The following AGPAT4 variants were observed in gnomAD, a reference collection of about 807,000 sequenced individuals.
The protein encoded by AGPAT4 is 1-acylglycerol-3-phosphate O-acyltransferase 4, also known as 1-acyl-sn-glycerol-3-phosphate acyltransferase delta.
AGPAT4 carries 15 observed loss-of-function variants against 48.0 expected under a neutral mutation model. That is an observed-to-expected ratio of 0.31 (90% CI 0.21 to 0.48). The LOEUF (loss-of-function observed/expected upper bound fraction) is 0.48. Ranked by LOEUF, AGPAT4 falls within the 20% of genes least tolerant of loss-of-function variation. AGPAT4 has a pLI of 0.99. For missense variants in AGPAT4, 314 were observed against 482.5 expected, an observed-to-expected ratio of 0.65 and a Z score of 3.27; for synonymous variants, 178 against 198.7, an observed-to-expected ratio of 0.90 and a Z score of 0.88.
At chr6:161,193,441 G>A (rs1378244258) in intron 2 of AGPAT4, among the ~76,000 whole-genome samples, 2 of 152,228 alleles carry the variant, frequency 1.3e-5, no homozygotes, top group African/African-American at 4.8e-5. Flanking sequence ...CATGGTTGGA[G>A]ATTTCCAGAG....
In AGPAT4 at chr6:161,137,168, A is replaced by G. The variant is rs1583270685; in HGVS notation, c.1043-534T>C. Among the ~76,000 whole-genome samples the G allele has an allele frequency of 1.3e-5, 2 of 152,210 alleles. No homozygotes were observed. The highest frequency in any genetic ancestry group is 4.8e-5 in the African/African-American group (2 of 41,462). On this transcript the variant is annotated intron_variant, in intron 8 of 8. Transcript: ENST00000320285. The surrounding 1 kb of genome is among the most constrained non-coding windows in gnomAD (Gnocchi z 6.1). ...GATTTGCCTACACCAGAGAATGGGC[A>G]GGACCCTCGTGGGAGCCCAGTTTAA...
chr6:161,194,652 ATGTATG>A (rs376021915), intron 2 of AGPAT4, among the ~76,000 whole-genome samples: 16 of 149,884 alleles, frequency 1.1e-4, no homozygotes, highest in African/African-American at 4.0e-4. Flanking sequence ...ATGTGTATGT[ATGTATG>A]TGTATGTGTG....
intron 2 of AGPAT4, among the ~76,000 whole-genome samples, chr6:161,194,572 ATG>A (rs952591696): frequency 1.4e-5 from 2 of 146,282 alleles, no homozygotes; most frequent in African/African-American, 2.7e-5. Flanking sequence ...GTGTATGTGT[ATG>A]TGTGTATATA....
At position 161,221,655 on chromosome 6, in the gene AGPAT4, T is replaced by C. The variant is rs1015338889; in HGVS notation, c.178+10381A>G. Among the ~76,000 whole-genome samples, 1 of 152,110 alleles carries C rather than the reference T, an allele frequency of 6.6e-6. No homozygotes were observed. The highest frequency in any genetic ancestry group is 1.9e-4 in the East Asian group (1 of 5,180). ...GGGGAACTGAAGTAACAGAAATTGA[T>C]TGTCTGAGTTCTGGATTCCAGGAAC... On this transcript the variant is annotated intron_variant, in intron 2 of 8. Transcript: ENST00000320285. This position sits in a 1 kb window ranked among gnomAD's most constrained non-coding sequence, Gnocchi z 4.5.
rs550015918 is a variant in AGPAT4 at position 161,233,536 on chromosome 6, G to A, written c.-89-1234C>T. On this transcript the variant is annotated intron_variant, in intron 1 of 8. Coordinates refer to ENST00000320285, the MANE Select transcript of AGPAT4 (RefSeq NM_020133.3). This position sits in a 1 kb window ranked among gnomAD's most constrained non-coding sequence, Gnocchi z 5.4. ...TGAAAATTTCCAGCTTTACGATGGT[G>A]TAAAAGCAATATCCATTCAGAGAAA... Among the ~76,000 whole-genome samples, 4 of 152,188 alleles carry A rather than the reference G, an allele frequency of 2.6e-5. No individual in the cohort carries two copies. The highest frequency in any genetic ancestry group is 4.4e-5 in the Non-Finnish European group (3 of 68,050).
rs1389681434 is a variant in AGPAT4, at chr6:161,195,177, C to T, written c.179-28760G>A. On this transcript the variant is annotated intron_variant, in intron 2 of 8. Coordinates refer to ENST00000320285, the MANE Select transcript of AGPAT4 (RefSeq NM_020133.3). The surrounding 1 kb of genome is among the most constrained non-coding windows in gnomAD (Gnocchi z 5.0). The stretch of plus-strand genomic sequence containing the variant: ...AAAATACAACTTAATTTAACCACAC[C>T]AGAAACATAATTCAGAATTTGAAGC... Among the ~76,000 whole-genome samples the T allele has an allele frequency of 1.3e-5, 2 of 152,076 alleles. No homozygotes were observed. The highest frequency in any genetic ancestry group is 2.9e-5 in the Non-Finnish European group (2 of 68,006).
Position 161,143,073 on chromosome 6 carries a change from T to C in AGPAT4, c.843+3451A>G, listed in dbSNP as rs962830399. On this transcript the variant is annotated intron_variant, in intron 7 of 8. Transcript: ENST00000320285. The surrounding 1 kb of genome is among the most constrained non-coding windows in gnomAD (Gnocchi z 4.7). ...AGGACGGCTCTGAATGTAGCTGTCC[T>C]TCACTTATTTCTCTTTAGAGACAGG... is the stretch of plus-strand genomic sequence containing the variant. Among the ~76,000 whole-genome samples the C allele has an allele frequency of 2.0e-5, 3 of 152,140 alleles. No individual in the cohort carries two copies. Among genetic ancestry groups the C allele is most frequent in the Non-Finnish European group, 4.4e-5 (3 of 68,018 alleles).
rs1778929155 is a variant in AGPAT4, at chr6:161,132,372, G to C, written c.*4168C>G. ...AGCAGCTGGCTTGAAGCCCCTGAAT[G>C]GTCCCTTGGCAGAGGCAAAGAATGA... is the stretch of plus-strand genomic sequence containing the variant. On this transcript the variant is annotated 3_prime_UTR_variant, in exon 9 of 9. Transcript: ENST00000320285. 1 of 152,300 alleles carries C rather than the reference G, an allele frequency of 6.6e-6. No homozygotes were observed. The highest frequency in any genetic ancestry group is 1.5e-5 in the Non-Finnish European group (1 of 68,114). 9.4% of individuals were successfully genotyped at this position (152,300 alleles called of 1,614,324 possible).
chr6:161,230,191 A>G (rs780641710), intron 2 of AGPAT4, among the ~76,000 whole-genome samples: 31 of 152,248 alleles, frequency 2.0e-4, no homozygotes, highest in Non-Finnish European at 4.0e-4. Flanking sequence ...TTTACCATCA[A>G]TCAAAAAAAA....
intron 2 of AGPAT4, among the ~76,000 whole-genome samples, chr6:161,185,281 GTC>G (rs1263954525): frequency 3.7e-4 from 50 of 135,040 alleles, no homozygotes; most frequent in African/African-American, 1.3e-3. Flanking sequence ...TTTTTAAGAT[GTC>G]TTTTTTTTTT....
chr6:161,146,726 T>A lies in AGPAT4; in HGVS notation c.768-127A>T. 1 of 803,326 alleles carries A rather than the reference T, an allele frequency of 1.2e-6. No individual in the cohort carries two copies. The highest frequency in any genetic ancestry group is 2.0e-6 in the Non-Finnish European group (1 of 492,722). 49.8% of individuals were successfully genotyped at this position (803,326 alleles called of 1,614,324 possible). On this transcript the variant is annotated intron_variant, in intron 6 of 8. Transcript: ENST00000320285. The surrounding 1 kb of genome is among the most constrained non-coding windows in gnomAD (Gnocchi z 7.1). ...CTAAATAATGTGGAACTGAAGAGAGTAATGCAAGTGATAGAAAGAAGGGGC... is the reference window on the plus strand; with the variant it reads ...CTAAATAATGTGGAACTGAAGAGAGAAATGCAAGTGATAGAAAGAAGGGGC...
chr6:161,205,368 G>A (rs1781352650), intron 2 of AGPAT4, among the ~76,000 whole-genome samples: 1 of 152,150 alleles, frequency 6.6e-6, no homozygotes, highest in Non-Finnish European at 1.5e-5. Context: ...TCTATGTCCT[G>A]TGGGGGAGGT....
At position 161,135,285 on chromosome 6, in the gene AGPAT4, T is replaced by TATC. The variant is rs1779030110; in HGVS notation, c.*1252_*1254dup. ...CTTCCTAACTCATGCTCCAAATACC[T>TATC]ATCGGTCCAAGTGCCATTGGTGTCT... On this transcript the variant is annotated 3_prime_UTR_variant, in exon 9 of 9. Coordinates refer to ENST00000320285, the MANE Select transcript of AGPAT4 (RefSeq NM_020133.3). 2 of 152,252 alleles carry TATC rather than the reference T, an allele frequency of 1.3e-5. No individual in the cohort carries two copies. The highest frequency in any genetic ancestry group is 6.5e-5 in the Admixed American group (1 of 15,290). 9.4% of individuals were successfully genotyped at this position (152,252 alleles called of 1,614,324 possible). A position where few individuals can be genotyped will look rare whatever the true frequency, so the allele number is the denominator to read the frequency against.
chr6:161,149,434 T>C lies in AGPAT4; in HGVS notation c.665-145A>G. ...GTCAGATTTCTTTCTTTCTATATGG[T>C]CCACATGTTCTACACTGAATGTGTA... On this transcript the variant is annotated intron_variant, in intron 5 of 8. Transcript: ENST00000320285. This position sits in a 1 kb window ranked among gnomAD's most constrained non-coding sequence, Gnocchi z 6.5. 1 of 636,754 alleles carries C rather than the reference T, an allele frequency of 1.6e-6. No individual in the cohort carries two copies. The highest frequency in any genetic ancestry group is 2.6e-6 in the Non-Finnish European group (1 of 391,350). 39.4% of individuals were successfully genotyped at this position (636,754 alleles called of 1,614,324 possible). A position where few individuals can be genotyped will look rare whatever the true frequency, so the allele number is the denominator to read the frequency against.
chr6:161,193,777 CCTGA>C (rs1473410714), intron 2 of AGPAT4, among the ~76,000 whole-genome samples: 10 of 152,188 alleles, frequency 6.6e-5, no homozygotes, highest in African/African-American at 2.2e-4. Context: ...GCTGTGGTGC[CCTGA>C]CTATCTGCAC....
At position 161,268,293 on chromosome 6, in the gene AGPAT4, C is replaced by T. The variant is rs184836505; in HGVS notation, c.-90+5645G>A. ...GTCTCTAATGACCTCTGCAGGTTAC[C>T]TGGCATAAACTAGACTGAGGCATCA... On this transcript the variant is annotated intron_variant, in intron 1 of 8. Coordinates refer to ENST00000320285, the MANE Select transcript of AGPAT4 (RefSeq NM_020133.3). 3.9e-5 allele frequency among the ~76,000 whole-genome samples: 6 copies of T among 152,322 alleles called. No individual in the cohort carries two copies. The East Asian group carries it at 1.2e-3, about 29-fold the overall frequency.
intron 2 of AGPAT4, among the ~76,000 whole-genome samples, chr6:161,185,030 A>T (rs1780727248): frequency 6.6e-6 from 1 of 151,668 alleles, no homozygotes; most frequent in African/African-American, 2.4e-5. Flanking sequence ...AGGAAAAAAG[A>T]GGTTGGGTGG....
At chr6:161,150,751 A>C (rs1194252808) in intron 5 of AGPAT4, among the ~76,000 whole-genome samples, 1 of 152,182 alleles carries the variant, frequency 6.6e-6, no homozygotes, top group East Asian at 1.9e-4. Context: ...TGGCTGGGAG[A>C]GAACCTGGAT....
rs969941127 is a variant in AGPAT4, at chr6:161,142,091, T to C, written c.844-2471A>G. ...CTGGTATTGAACTCCTGACCTCAGG[T>C]GATCCTCCTGCCTCAGCCTCCCAAA... is the stretch of plus-strand genomic sequence containing the variant. On this transcript the variant is annotated intron_variant, in intron 7 of 8. Coordinates refer to ENST00000320285, the MANE Select transcript of AGPAT4 (RefSeq NM_020133.3). The surrounding 1 kb of genome is among the most constrained non-coding windows in gnomAD (Gnocchi z 6.4). Among the ~76,000 whole-genome samples the C allele has an allele frequency of 6.6e-6, 1 of 152,226 alleles. No homozygotes were observed. Among genetic ancestry groups the C allele is most frequent in the Non-Finnish European group, 1.5e-5 (1 of 68,026 alleles).
Sources: gnomAD v4.1 joint callset for allele counts (sites outside exome capture counted in the v4.1 genomes callset) on GRCh38, gnomAD v4.1.1 for gene constraint, Gnocchi (gnomAD v3.1) non-coding constraint, MANE v1.5 for transcripts, NCBI Gene and HGNC (gene_info 2026-07-23, HGNC 2026-07-21) for gene names.